The following RIT2 variants were observed in gnomAD, a reference collection of about 807,000 sequenced individuals.
The protein encoded by RIT2 is Ras like without CAAX 2, also known as GTP-binding protein Rit2.
Under a neutral mutation model 23.7 loss-of-function variants are expected in RIT2, and 24 were observed. The ratio of observed to expected loss-of-function variants is 1.01; its 90% CI spans 0.73 to 1.43. The LOEUF (loss-of-function observed/expected upper bound fraction) is 1.43. Ranked by LOEUF, RIT2 falls within the 40% of genes most tolerant of loss-of-function variation. The probability of loss-of-function intolerance (pLI) is 0.00; values close to 1 mark genes in which losing one functional copy is unlikely to be tolerated. For synonymous variants in RIT2, 107 were observed against 91.1 expected (o/e 1.17, Z -0.99); for missense variants, 236 against 266.9 (o/e 0.88, Z 0.81).
At chr18:42,996,312 C>T (rs1910982254) in intron 2 of RIT2, among the ~76,000 whole-genome samples, 1 of 152,106 alleles carries the variant, frequency 6.6e-6, no homozygotes, top group African/African-American at 2.4e-5. Flanking sequence ...CCCATTATCT[C>T]TCCATACCAT....
intron 4 of RIT2, among the ~76,000 whole-genome samples, chr18:42,897,852 G>A (rs1239313892): frequency 1.3e-5 from 2 of 152,154 alleles, no homozygotes; most frequent in African/African-American, 4.8e-5. Flanking sequence ...ATTAGGCTTA[G>A]GGATGGAATG....
chr18:42,985,306 T>G (rs978313409), intron 2 of RIT2, among the ~76,000 whole-genome samples: 1 of 152,134 alleles, frequency 6.6e-6, no homozygotes, highest in African/African-American at 2.4e-5. Flanking sequence ...TATGCCATGT[T>G]TATGGGTTGG....
intron 4 of RIT2, among the ~76,000 whole-genome samples, chr18:42,850,076 C>CGTATGTGT (rs1555642031): frequency 7.0e-6 from 1 of 142,660 alleles, no homozygotes; most frequent in African/African-American, 2.6e-5. Flanking sequence ...AAAATACACC[C>CGTATGTGT]GTGTGTGTGT....
chr18:43,054,996 G>T (rs1197802687), intron 1 of RIT2, among the ~76,000 whole-genome samples: 1 of 152,048 alleles, frequency 6.6e-6, no homozygotes, highest in Admixed American at 6.6e-5. Flanking sequence ...CTCGGTTACT[G>T]TTAAATGCAT....
chr18:42,994,571 C>T (rs553472194), intron 2 of RIT2, among the ~76,000 whole-genome samples: 2 of 152,190 alleles, frequency 1.3e-5, no homozygotes, highest in East Asian at 3.9e-4. Context: ...AGAGACTGCC[C>T]CCACCCTAGC....
intron 2 of RIT2, among the ~76,000 whole-genome samples, chr18:42,984,945 A>G (rs1910676874): frequency 6.6e-6 from 1 of 152,076 alleles, no homozygotes; most frequent in South Asian, 2.1e-4. Context: ...TCTGCAAGAA[A>G]AATGATTGAT....
At chr18:42,795,690 T>A (rs1255791626) in intron 4 of RIT2, among the ~76,000 whole-genome samples, 1 of 152,232 alleles carries the variant, frequency 6.6e-6, no homozygotes, top group Non-Finnish European at 1.5e-5. Context: ...CCAGCTGGGG[T>A]CCTGAGTCTG....
At chr18:42,921,737 G>A (rs1909060690) in intron 4 of RIT2, among the ~76,000 whole-genome samples, 1 of 152,118 alleles carries the variant, frequency 6.6e-6, no homozygotes, top group Non-Finnish European at 1.5e-5. Context: ...AACCCTGTCA[G>A]AGGTTTTTGT....
intron 4 of RIT2, among the ~76,000 whole-genome samples, chr18:42,830,306 T>C (rs996235412): frequency 2.0e-5 from 3 of 152,178 alleles, no homozygotes; most frequent in African/African-American, 7.2e-5. Flanking sequence ...ACAACTCAAT[T>C]TGGTGTTGCC....
At chr18:42,923,100 G>A (rs1909093439) in intron 4 of RIT2, among the ~76,000 whole-genome samples, 1 of 152,126 alleles carries the variant, frequency 6.6e-6, no homozygotes. Context: ...CAGTTACATG[G>A]TGGCTGGTGC....
intron 4 of RIT2, among the ~76,000 whole-genome samples, chr18:42,747,599 G>A (rs1278533032): frequency 6.6e-6 from 1 of 151,974 alleles, no homozygotes; most frequent in East Asian, 1.9e-4. Flanking sequence ...GAAAGACTAA[G>A]CATAAAGAAG....
intron 1 of RIT2, among the ~76,000 whole-genome samples, chr18:43,079,210 C>G (rs1323335387): frequency 1.3e-5 from 2 of 152,178 alleles, no homozygotes; most frequent in East Asian, 3.9e-4. Flanking sequence ...ACTAAAATCA[C>G]AAAGCTTGTA....
intron 4 of RIT2, among the ~76,000 whole-genome samples, chr18:42,872,115 CA>C (rs888420867): frequency 4.0e-4 from 60 of 149,942 alleles, no homozygotes; most frequent in African/African-American, 1.3e-3. Flanking sequence ...AAGTAAAAAA[CA>C]AAAAAAAATC....
intron 4 of RIT2, among the ~76,000 whole-genome samples, chr18:42,804,879 A>T: frequency 6.6e-6 from 1 of 152,232 alleles, no homozygotes. Context: ...AATCAGGCAC[A>T]CATGAGATAG....
At chr18:42,781,549 GT>G (rs1913811666) in intron 4 of RIT2, among the ~76,000 whole-genome samples, 2 of 152,132 alleles carry the variant, frequency 1.3e-5, no homozygotes, top group African/African-American at 4.8e-5. Context: ...GGTCAGGATT[GT>G]GCTCCACACA....
chr18:42,818,650 C>A (rs951864521), intron 4 of RIT2, among the ~76,000 whole-genome samples: 2 of 151,978 alleles, frequency 1.3e-5, no homozygotes, highest in African/African-American at 4.8e-5. Flanking sequence ...GAGCAATAAG[C>A]TTTGAGCATG....
At position 43,068,013 on chromosome 18, in the gene RIT2, G is replaced by A. The variant is rs148970819; in HGVS notation, c.104-34146C>T. 2.7e-3 allele frequency among the ~76,000 whole-genome samples: 407 copies of A among 152,286 alleles called. 4 individuals are homozygous for A. Among genetic ancestry groups the A allele is most frequent in the African/African-American group, 9.3e-3 (388 of 41,572 alleles). On this transcript the variant is annotated intron_variant, in intron 1 of 4. Transcript: ENST00000326695. ...TTGACATGTTGATTGTGTAAGGCCT[G>A]TGAGATATTCAAGGCTCTAATGGGA... is the stretch of plus-strand genomic sequence containing the variant.
chr18:42,775,946 TA>T (rs1040607947), intron 4 of RIT2, among the ~76,000 whole-genome samples: 7 of 151,636 alleles, frequency 4.6e-5, no homozygotes, highest in Admixed American at 4.6e-4. Flanking sequence ...TACTATTGAG[TA>T]AAAAAATAAA....
chr18:43,000,727 C>A (rs116463130), intron 2 of RIT2, among the ~76,000 whole-genome samples: 3 of 151,934 alleles, frequency 2.0e-5, no homozygotes, highest in Admixed American at 2.0e-4. Flanking sequence ...CTCCCACCCC[C>A]CTGCAGCCAT....
Sources: allele counts gnomAD v4.1 joint callset (sites outside exome capture counted in the v4.1 genomes callset), GRCh38; gene constraint gnomAD v4.1.1; transcripts MANE v1.5; gene names NCBI Gene and HGNC (gene_info 2026-07-23, HGNC 2026-07-21).